NRXN2: variants seen among roughly 807,000 people sequenced by gnomAD.
The protein encoded by NRXN2 is neurexin-2-beta.
NRXN2 carries 29 observed loss-of-function variants against 128.8 expected under a neutral mutation model. The ratio of observed to expected loss-of-function variants is 0.23; its 90% CI spans 0.17 to 0.31. The LOEUF (loss-of-function observed/expected upper bound fraction) is 0.31, where lower values mean the gene tolerates loss of function less well. Among genes scored for constraint, NRXN2 ranks in the 10% least tolerant of loss-of-function variants. The probability of loss-of-function intolerance (pLI) is 1.00; values close to 1 mark genes in which losing one functional copy is unlikely to be tolerated. For missense variants in NRXN2, 1,881 were observed against 2,452.6 expected (o/e 0.77, Z 4.92); for synonymous variants, 1,098 against 1,075.2 (o/e 1.02, Z -0.41).
intron 5 of NRXN2, chr11:64,688,675 AGAT>A (rs2053423627): frequency 1.9e-5 from 19 of 985,224 alleles, no homozygotes; most frequent in Non-Finnish European, 2.3e-5. Flanking sequence ...CGAGAAAGGA[AGAT>A]AATAGCTGAT....
chr11:64,688,349 A>G (rs1415646638), intron 5 of NRXN2: 1 of 985,280 alleles, frequency 1.0e-6, no homozygotes, highest in African/African-American at 1.7e-5. Flanking sequence ...AGCCAAAGAG[A>G]ACCTGAAAGC....
intron 3 of NRXN2, among the ~76,000 whole-genome samples, chr11:64,697,051 G>C (rs1393098935): frequency 6.6e-6 from 1 of 152,158 alleles, no homozygotes; most frequent in Non-Finnish European, 1.5e-5. Flanking sequence ...ACTGGAGAGG[G>C]AGAAGAGGCC....
chr11:64,713,813 G>A lies in NRXN2; in HGVS notation c.-114C>T, dbSNP rs576873146. On this transcript the variant is annotated 5_prime_UTR_variant, in exon 2 of 23. Coordinates refer to ENST00000265459, the MANE Select transcript of NRXN2 (RefSeq NM_015080.4). ...TCCCCGCGCTGAGCGGGGCTCCCTT[G>A]CAGGCTCACAGTGCCATGGGCCCGG... The A allele has an allele frequency of 1.8e-6, 1 of 564,206 alleles. No individual in the cohort carries two copies. Among genetic ancestry groups the A allele is most frequent in the South Asian group, 7.8e-5 (1 of 12,836 alleles). 34.9% of individuals were successfully genotyped at this position (564,206 alleles called of 1,614,324 possible). A position where few individuals can be genotyped will look rare whatever the true frequency, so the allele number is the denominator to read the frequency against.
chr11:64,612,537 C>A (rs1400686524), intron 22 of NRXN2, among the ~76,000 whole-genome samples: 1 of 152,224 alleles, frequency 6.6e-6, no homozygotes, highest in Non-Finnish European at 1.5e-5. Context: ...AGAATGCCAT[C>A]CCTGACCAGG....
chr11:64,655,103 G>A (rs2048060797), intron 11 of NRXN2, among the ~76,000 whole-genome samples: 1 of 152,196 alleles, frequency 6.6e-6, no homozygotes, highest in Non-Finnish European at 1.5e-5. Context: ...AAAGGGGGTG[G>A]GCAGCTGCAT....
intron 7 of NRXN2, among the ~76,000 whole-genome samples, chr11:64,669,335 C>T (rs1214190378): frequency 1.3e-5 from 2 of 152,186 alleles, no homozygotes; most frequent in Non-Finnish European, 2.9e-5. Context: ...CACTCTCTTG[C>T]CTCCAAAGGA....
chr11:64,608,052 TC>T lies in NRXN2; in HGVS notation c.4282del (p.Glu1428ArgfsTer4). The T allele has an allele frequency of 6.3e-7, 1 of 1,582,292 alleles. No individual in the cohort carries two copies. Among genetic ancestry groups the T allele is most frequent in the Non-Finnish European group, 8.5e-7 (1 of 1,172,310 alleles). On this transcript the variant is annotated frameshift_variant, in exon 23 of 23. Transcript: ENST00000265459. LOFTEE classifies it low-confidence loss of function (END_TRUNC). Reference protein sequence around the residue: ...GGELILPIITEDSLDPPPVAT... With the variant: ...GGELILPIITXDSLDPPPVAT... ...CACGGGAGGGGGGTCTAAGGAGTCC[TC>T]CGTGATAATGGGCAATATTAACTCT...
intron 2 of NRXN2, among the ~76,000 whole-genome samples, chr11:64,701,401 C>T (rs1048983717): frequency 6.6e-6 from 1 of 152,200 alleles, no homozygotes; most frequent in Non-Finnish European, 1.5e-5. Flanking sequence ...GCTTGAAATA[C>T]TCTTCACCTA....
At chr11:64,663,456 A>C (rs926598075) in intron 9 of NRXN2, among the ~76,000 whole-genome samples, 1 of 151,892 alleles carries the variant, frequency 6.6e-6, no homozygotes, top group African/African-American at 2.4e-5. Context: ...TCTCCATACA[A>C]GGTGTCAGAT....
At chr11:64,668,096 G>A (rs746681493) in intron 8 of NRXN2, among the ~76,000 whole-genome samples, 1 of 152,224 alleles carries the variant, frequency 6.6e-6, no homozygotes, top group Non-Finnish European at 1.5e-5. Context: ...AGGAAACTCA[G>A]CATCAGACAG....
chr11:64,697,639 G>C, intron 3 of NRXN2, 136 bp downstream of exon 3: 1 of 983,708 alleles, frequency 1.0e-6, no homozygotes, highest in Non-Finnish European at 1.6e-6. Flanking sequence ...GCCAAGGGAG[G>C]ACCCCAGACA....
intron 2 of NRXN2, among the ~76,000 whole-genome samples, chr11:64,704,623 CAGAGAGAGAGAGAGAGAGAGAGAG>C (rs61394963): frequency 3.7e-5 from 3 of 81,178 alleles, no homozygotes; most frequent in African/African-American, 9.5e-5. Flanking sequence ...CACACACACA[CAGAGAGAGAGAGAGAGAGAGAGAG>C]AGAGAGAGAG....
At chr11:64,665,738 G>A (rs1439324425) in intron 9 of NRXN2, among the ~76,000 whole-genome samples, 9 of 152,146 alleles carry the variant, frequency 5.9e-5, no homozygotes, top group Admixed American at 3.9e-4. Context: ...AGTGACAGGC[G>A]GAGGAGCACA....
At chr11:64,709,187 T>C (rs2056648162) in intron 2 of NRXN2, among the ~76,000 whole-genome samples, 1 of 106,212 alleles carries the variant, frequency 9.4e-6, no homozygotes, top group African/African-American at 4.0e-5. Context: ...CGAGACTCCA[T>C]CTCAAAAAAA....
chr11:64,668,516 A>G lies in NRXN2; in HGVS notation c.1286T>C (p.Ile429Thr), dbSNP rs797045798. The change falls in exon 8 of 23, where the codon ATT becomes ACT. Residue 429 changes from isoleucine (I) to threonine (T), a missense_variant. By Grantham distance (89) the Ile-to-Thr change is moderately conservative. Around this residue, in one of 7 missense-constraint regions of NRXN2, gnomAD observed 997 missense variants for 1,240.8 expected, o/e 0.80. Coordinates refer to ENST00000265459, the MANE Select transcript of NRXN2 (RefSeq NM_015080.4). The part of the protein sequence containing the change: ...TMLGSDDFFY[I>T]GGSPNTADLP... ...GTCAGCTGTGTTGGGGCTGCCCCCA[A>G]TGTAGAAGAAGTCATCAGAGCCCAG... is the stretch of plus-strand genomic sequence containing the variant. The G allele has an allele frequency of 4.3e-6, 7 of 1,613,958 alleles. No individual in the cohort carries two copies. The highest frequency in any genetic ancestry group is 3.3e-5 in the South Asian group (3 of 91,092).
chr11:64,635,590 C>T lies in NRXN2; in HGVS notation c.3404-138G>A, dbSNP rs2044580255. 3.1e-5 allele frequency: 30 copies of T among 959,762 alleles called. No individual in the cohort carries two copies. The South Asian group carries it at 3.9e-4, about 13-fold the overall frequency. 59.5% of individuals were successfully genotyped at this position (959,762 alleles called of 1,614,324 possible). A position where few individuals can be genotyped will look rare whatever the true frequency, so the allele number is the denominator to read the frequency against. On this transcript the variant is annotated intron_variant, in intron 17 of 22. Coordinates refer to ENST00000265459, the MANE Select transcript of NRXN2 (RefSeq NM_015080.4). The surrounding 1 kb of genome is among the most constrained non-coding windows in gnomAD (Gnocchi z 4.8). ...CAGCTGTGATACCCACAGCAGCCAC[C>T]AGCCCTGCCACCCCAGGGAGAAGTT...
In NRXN2 at chr11:64,622,583, G is replaced by C. The variant is rs146879753; in HGVS notation, c.4173+170C>G. On this transcript the variant is annotated intron_variant, in intron 21 of 22. Transcript: ENST00000265459. This position sits in a 1 kb window ranked among gnomAD's most constrained non-coding sequence, Gnocchi z 4.3. ...GTCATTAGGGTGAAGGCCACTTCCT[G>C]AAAGGTGACCTTGCCCATCGCCATG... Among the ~76,000 whole-genome samples, 309 of 152,352 alleles carry C rather than the reference G, an allele frequency of 2.0e-3. 1 individual carries two copies. The highest frequency in any genetic ancestry group is 7.1e-3 in the African/African-American group (294 of 41,582).
At chr11:64,618,006 T>C (rs1045069091) in intron 22 of NRXN2, among the ~76,000 whole-genome samples, 1 of 152,166 alleles carries the variant, frequency 6.6e-6, no homozygotes, top group African/African-American at 2.4e-5. Context: ...AGCCCCTCTC[T>C]ATCCCAGGCT....
intron 17 of NRXN2, chr11:64,642,491 C>T: frequency 6.4e-7 from 1 of 1,569,764 alleles, no homozygotes; most frequent in Non-Finnish European, 8.6e-7. Context: ...GGGAAGCGCC[C>T]CCCGCCCCCG....
Sources: gnomAD v4.1 joint callset for allele counts (sites outside exome capture counted in the v4.1 genomes callset) on GRCh38, gnomAD v4.1.1 for gene constraint, gnomAD v4.1.1 regional missense constraint, Gnocchi (gnomAD v3.1) non-coding constraint, MANE v1.5 for transcripts, NCBI Gene and HGNC (gene_info 2026-07-23, HGNC 2026-07-21) for gene names.